Variants in MYO16 observed in about 807,000 individuals in gnomAD.
The protein encoded by MYO16 is unconventional myosin-XVI.
A neutral mutation model predicts 205.3 loss-of-function variants in MYO16; 94 were observed. The observed-to-expected ratio is 0.46, with a 90% CI of 0.39 to 0.54. The LOEUF (loss-of-function observed/expected upper bound fraction) is 0.54. MYO16 is among the 20% of genes least tolerant of loss of function. The pLI, the probability that MYO16 is intolerant of heterozygous loss-of-function variation, is 0.00. For missense variants in MYO16, 2,315 were observed against 2,387.5 expected (o/e 0.97, Z 0.63); for synonymous variants, 988 against 954.0 (o/e 1.04, Z -0.66).
chr13:109,124,670 A>G (rs1055012234), intron 29 of MYO16, among the ~76,000 whole-genome samples: 2 of 152,212 alleles, frequency 1.3e-5, no homozygotes, highest in African/African-American at 4.8e-5. Flanking sequence ...CTAAGAATTA[A>G]ATCATAATCT....
At chr13:108,599,589 G>A (rs1490057604) in intron 1 of MYO16, among the ~76,000 whole-genome samples, 2 of 152,078 alleles carry the variant, frequency 1.3e-5, no homozygotes, top group Non-Finnish European at 2.9e-5. Flanking sequence ...CCATATAGAA[G>A]AGCATCTAGA....
the MYO16 span, among the ~76,000 whole-genome samples, chr13:108,526,588 C>T: frequency 3.9e-5 from 6 of 152,098 alleles, no homozygotes; most frequent in Non-Finnish European, 7.4e-5. Flanking sequence ...ACGAATAGTG[C>T]TAGAATCTTT....
chr13:109,139,618 A>G (rs1245650946), intron 31 of MYO16, among the ~76,000 whole-genome samples: 2 of 152,234 alleles, frequency 1.3e-5, no homozygotes, highest in African/African-American at 2.4e-5. Context: ...TTAAGAGCTG[A>G]GCTCTCCGAA....
intron 27 of MYO16, among the ~76,000 whole-genome samples, chr13:109,057,577 G>A (rs571699004): frequency 1.2e-4 from 19 of 152,082 alleles, no homozygotes; most frequent in South Asian, 2.1e-4. Context: ...CTCCTGACTC[G>A]TCTCTTTCTG....
intron 31 of MYO16, among the ~76,000 whole-genome samples, chr13:109,137,653 A>G (rs1180080289): frequency 6.6e-6 from 1 of 152,236 alleles, no homozygotes; most frequent in African/African-American, 2.4e-5. Flanking sequence ...ATTGAGTTCA[A>G]AAATTACCTT....
intron 4 of MYO16, among the ~76,000 whole-genome samples, chr13:108,757,541 C>T (rs910167651): frequency 6.6e-6 from 1 of 151,968 alleles, no homozygotes; most frequent in Admixed American, 6.6e-5. Context: ...AGGTTAGTTA[C>T]ATATGTATAC....
chr13:108,797,754 T>C (rs1426373383), intron 6 of MYO16, among the ~76,000 whole-genome samples: 4 of 152,190 alleles, frequency 2.6e-5, no homozygotes, highest in Non-Finnish European at 5.9e-5. Context: ...AGAGCCTTTG[T>C]TTCTTTGTAT....
chr13:109,045,823 A>G (rs1032062145), intron 23 of MYO16, among the ~76,000 whole-genome samples: 1 of 152,116 alleles, frequency 6.6e-6, no homozygotes, highest in South Asian at 2.1e-4. Context: ...TCTAATATCC[A>G]TTCACTGCAA....
intron 22 of MYO16, among the ~76,000 whole-genome samples, chr13:109,011,250 T>C (rs533743631): frequency 6.6e-6 from 1 of 152,094 alleles, no homozygotes; most frequent in African/African-American, 2.4e-5. Flanking sequence ...TTAGGTCTTC[T>C]TCTCTTTCTT....
chr13:109,201,491 C>CGAAAAAAAA (rs1880390192), intron 34 of MYO16: 1 of 97,378 alleles, frequency 1.0e-5, no homozygotes, highest in African/African-American at 4.0e-5. Context: ...TCGTCTTCTA[C>CGAAAAAAAA]AAAAAAAAAA....
intron 4 of MYO16, among the ~76,000 whole-genome samples, chr13:108,778,402 T>C (rs1318076027): frequency 5.9e-5 from 9 of 152,172 alleles, no homozygotes; most frequent in African/African-American, 2.2e-4. Flanking sequence ...GTGGATCACT[T>C]GAGGTCAGGA....
chr13:108,623,149 T>G (rs1879605796), intron 1 of MYO16, among the ~76,000 whole-genome samples: 1 of 152,150 alleles, frequency 6.6e-6, no homozygotes, highest in Non-Finnish European at 1.5e-5. Context: ...TAATCACCAT[T>G]TAACCAAGGC....
intron 15 of MYO16, among the ~76,000 whole-genome samples, chr13:108,908,047 C>T (rs1000303102): frequency 6.6e-5 from 10 of 151,966 alleles, no homozygotes; most frequent in African/African-American, 2.2e-4. Context: ...ATGTTTTCAG[C>T]AAAGAATTTA....
At chr13:108,941,052 CA>C (rs970674520) in intron 16 of MYO16, among the ~76,000 whole-genome samples, 10 of 152,084 alleles carry the variant, frequency 6.6e-5, no homozygotes, top group Admixed American at 6.5e-4. Context: ...ACACCAACAA[CA>C]AAAACCAGTG....
At chr13:109,008,289 CTATCTTGTGTATGCACTACTGTACTA>C (rs1263251915) in intron 21 of MYO16, among the ~76,000 whole-genome samples, 9 of 152,100 alleles carry the variant, frequency 5.9e-5, no homozygotes, top group African/African-American at 1.7e-4. Flanking sequence ...CACTGCTGTA[CTATCTTGTGTATGCACTACTGTACTA>C]TATCTTGTGT....
In MYO16 at chr13:108,793,874, G is replaced by A. The variant is rs190070776; in HGVS notation, c.741+234G>A. On this transcript the variant is annotated intron_variant, in intron 6 of 34. Transcript: ENST00000457511. ...ATATATCATTCTACCATAGACACAC[G>A]CATGCGTATGTTCATCCCAGTGCCG... 3.4e-3 allele frequency among the ~76,000 whole-genome samples: 510 copies of A among 152,232 alleles called. 3 individuals carry two copies. Among genetic ancestry groups the A allele is most frequent in the Middle Eastern group, 6.8e-3 (2 of 294 alleles).
intron 4 of MYO16, among the ~76,000 whole-genome samples, chr13:108,741,303 A>T (rs1884902780): frequency 6.6e-6 from 1 of 152,166 alleles, no homozygotes. Flanking sequence ...CTTTTTTAAC[A>T]TTGAACTCAT....
chr13:108,750,756 G>A (rs1011637821), intron 4 of MYO16, among the ~76,000 whole-genome samples: 1 of 152,086 alleles, frequency 6.6e-6, no homozygotes, highest in African/African-American at 2.4e-5. Context: ...GCAGTGAGCT[G>A]AGATCATGCC....
At chr13:108,675,735 C>T (rs1245561539) in intron 2 of MYO16, among the ~76,000 whole-genome samples, 4 of 152,086 alleles carry the variant, frequency 2.6e-5, no homozygotes, top group Non-Finnish European at 5.9e-5. Flanking sequence ...TAATCAATAG[C>T]GTGAGAGCAG....
Sources: allele counts gnomAD v4.1 joint callset (sites outside exome capture counted in the v4.1 genomes callset), GRCh38; gene constraint gnomAD v4.1.1; transcripts MANE v1.5; gene names NCBI Gene and HGNC (gene_info 2026-07-23, HGNC 2026-07-21).